The following RBFOX1 variants were observed in gnomAD, a reference collection of about 807,000 sequenced individuals.
RBFOX1 encodes the protein RNA binding protein fox-1 homolog 1.
Under a neutral mutation model 57.7 loss-of-function variants are expected in RBFOX1, and 8 were observed. That is an observed-to-expected ratio of 0.14 (90% CI 0.08 to 0.25). The LOEUF (loss-of-function observed/expected upper bound fraction) is 0.25. Ranked by LOEUF, RBFOX1 falls within the 10% of genes least tolerant of loss-of-function variation. The pLI is 1.00. For synonymous variants in RBFOX1, 326 were observed against 222.4 expected (o/e 1.47, Z -4.15); for missense variants, 611 against 548.5 (o/e 1.11, Z -1.14).
chr16:5,824,490 C>T (rs1033002231), intron 3 of RBFOX1, among the ~76,000 whole-genome samples: 1 of 152,168 alleles, frequency 6.6e-6, no homozygotes, highest in East Asian at 1.9e-4. Context: ...GTTATGCTCT[C>T]TTCATGCAGG....
intron 3 of RBFOX1, among the ~76,000 whole-genome samples, chr16:6,702,214 C>T (rs921705983): frequency 2.3e-4 from 35 of 152,164 alleles, no homozygotes; most frequent in African/African-American, 8.2e-4. Context: ...GACCCACCTC[C>T]AACACTGGAG....
intron 2 of RBFOX1, among the ~76,000 whole-genome samples, chr16:6,317,725 T>C (rs771257889): frequency 4.6e-5 from 7 of 152,190 alleles, no homozygotes; most frequent in African/African-American, 9.6e-5. Context: ...TATGCAGATA[T>C]ACTCTAGCAT....
chr16:7,679,735 A>T (rs2074264976), intron 14 of RBFOX1, among the ~76,000 whole-genome samples: 1 of 151,996 alleles, frequency 6.6e-6, no homozygotes, highest in Non-Finnish European at 1.5e-5. Context: ...CCTGCCCATC[A>T]TCTTCTTGGT....
chr16:6,907,474 T>A (rs1163965323), intron 3 of RBFOX1, among the ~76,000 whole-genome samples: 1 of 152,160 alleles, frequency 6.6e-6, no homozygotes, highest in African/African-American at 2.4e-5. Context: ...AGGCTAGAAG[T>A]GTGAGATCAA....
intron 3 of RBFOX1, among the ~76,000 whole-genome samples, chr16:5,688,028 A>C (rs372842700): frequency 6.6e-6 from 1 of 152,322 alleles, no homozygotes; most frequent in East Asian, 1.9e-4. Flanking sequence ...TACTTTCAGA[A>C]ATCAATACAA....
chr16:6,764,064 A>G (rs951887876), intron 3 of RBFOX1, among the ~76,000 whole-genome samples: 3 of 152,194 alleles, frequency 2.0e-5, no homozygotes, highest in Non-Finnish European at 4.4e-5. Context: ...GGGTGACCTT[A>G]TTAATCACTC....
intron 3 of RBFOX1, among the ~76,000 whole-genome samples, chr16:6,920,346 G>C (rs931705227): frequency 6.6e-6 from 1 of 152,156 alleles, no homozygotes; most frequent in East Asian, 1.9e-4. Flanking sequence ...GTTCACTCCT[G>C]ATATTGTCAT....
intron 4 of RBFOX1, among the ~76,000 whole-genome samples, chr16:5,920,660 A>G (rs2058801114): frequency 6.6e-6 from 1 of 152,114 alleles, no homozygotes; most frequent in Non-Finnish European, 1.5e-5. Flanking sequence ...AAAGTGGGGC[A>G]GCGGGGAGAC....
chr16:5,997,692 C>T (rs949433044), intron 4 of RBFOX1, among the ~76,000 whole-genome samples: 1 of 152,176 alleles, frequency 6.6e-6, no homozygotes, highest in African/African-American at 2.4e-5. Flanking sequence ...GAATGGTTTT[C>T]ACATTTTCCC....
intron 4 of RBFOX1, among the ~76,000 whole-genome samples, chr16:5,963,846 G>C (rs1207567166): frequency 6.6e-6 from 1 of 152,150 alleles, no homozygotes. Context: ...ATTGGTCTTA[G>C]CAGTTTTTTG....
chr16:6,718,499 A>G (rs769625748), intron 3 of RBFOX1, among the ~76,000 whole-genome samples: 15 of 152,302 alleles, frequency 9.8e-5, no homozygotes, highest in Admixed American at 2.6e-4. Flanking sequence ...CTTGAGAACA[A>G]TTAGTTCCAA....
chr16:7,304,841 C>T (rs2096134115), intron 4 of RBFOX1, among the ~76,000 whole-genome samples: 1 of 151,776 alleles, frequency 6.6e-6, no homozygotes. Flanking sequence ...TTTGTGGAGG[C>T]ATTCCGGTGC....
chr16:5,529,063 T>A (rs1029116975), intron 2 of RBFOX1, among the ~76,000 whole-genome samples: 3 of 152,094 alleles, frequency 2.0e-5, no homozygotes, highest in African/African-American at 7.2e-5. Flanking sequence ...CAAGACCTGC[T>A]TTCTCTCTCA....
intron 1 of RBFOX1, among the ~76,000 whole-genome samples, chr16:6,102,800 G>T (rs1376739750): frequency 6.6e-6 from 1 of 152,112 alleles, no homozygotes; most frequent in Non-Finnish European, 1.5e-5. Context: ...AGTAGGTCCT[G>T]GTTTTTATTA....
chr16:5,253,745 C>A (rs1417471137), intron 1 of RBFOX1, among the ~76,000 whole-genome samples: 1 of 152,208 alleles, frequency 6.6e-6, no homozygotes, highest in African/African-American at 2.4e-5. Flanking sequence ...TCCACATGTT[C>A]ATTTGCTCTC....
At chr16:7,661,223 C>G (rs980381808) in intron 12 of RBFOX1, among the ~76,000 whole-genome samples, 2 of 152,218 alleles carry the variant, frequency 1.3e-5, no homozygotes, top group African/African-American at 4.8e-5. Context: ...AGATAGATCA[C>G]TCGTCCTTTC....
At chr16:7,396,966 A>G (rs571590976) in intron 4 of RBFOX1, among the ~76,000 whole-genome samples, 7 of 152,254 alleles carry the variant, frequency 4.6e-5, no homozygotes, top group Admixed American at 2.0e-4. Flanking sequence ...AAAAAGAAAC[A>G]TAGCAGGAAG....
chr16:7,244,242 T>G (rs551478789), intron 4 of RBFOX1, among the ~76,000 whole-genome samples: 23 of 97,926 alleles, frequency 2.3e-4, no homozygotes, highest in African/African-American at 1.0e-3. Context: ...AATGCCAAAG[T>G]ATTCCAAAAA....
chr16:6,617,269 G>A (rs576183832), intron 2 of RBFOX1, among the ~76,000 whole-genome samples: 11 of 151,916 alleles, frequency 7.2e-5, no homozygotes, highest in South Asian at 2.1e-4. Flanking sequence ...ATTGTCTAGA[G>A]TGTGAAGGAA....
Sources: allele counts gnomAD v4.1 joint callset (sites outside exome capture counted in the v4.1 genomes callset), GRCh38; gene constraint gnomAD v4.1.1; transcripts MANE v1.5; gene names NCBI Gene and HGNC (gene_info 2026-07-23, HGNC 2026-07-21).